GIT2: variants seen among roughly 807,000 people sequenced by gnomAD.
GIT2 encodes the protein GIT ArfGAP 2, also known as ARF GTPase-activating protein GIT2.
GIT2 carries 32 observed loss-of-function variants against 100.3 expected under a neutral mutation model. The ratio of observed to expected loss-of-function variants is 0.32; its 90% confidence interval spans 0.24 to 0.43. The LOEUF (loss-of-function observed/expected upper bound fraction) is 0.43. GIT2 is among the 20% of genes least tolerant of loss of function. The pLI, the probability that GIT2 is intolerant of heterozygous loss-of-function variation, is 1.00. For synonymous variants in GIT2, 353 were observed against 364.1 expected (o/e 0.97, Z 0.35); for missense variants, 737 against 975.1 (o/e 0.76, Z 3.25).
chr12:109,976,654 T>C (rs1412906657), intron 7 of GIT2, among the ~76,000 whole-genome samples: 1 of 150,298 alleles, frequency 6.7e-6, no homozygotes, highest in Non-Finnish European at 1.5e-5. Context: ...AGTGGCACGA[T>C]CTCGGCTCAC....
intron 7 of GIT2, among the ~76,000 whole-genome samples, chr12:109,971,567 A>AC (rs1326771443): frequency 6.7e-6 from 1 of 149,194 alleles, no homozygotes; most frequent in Admixed American, 6.7e-5. Flanking sequence ...CAGGTGACCC[A>AC]CCCCCTTCTG....
rs2136104661 is a variant in GIT2, at chr12:109,931,415, A to G, written c.*1563T>C. The G allele has an allele frequency of 6.6e-6, 1 of 152,330 alleles. No individual in the cohort carries two copies. Among genetic ancestry groups the G allele is most frequent in the East Asian group, 1.9e-4 (1 of 5,186 alleles). 9.4% of individuals were successfully genotyped at this position (152,330 alleles called of 1,614,324 possible). A position where few individuals can be genotyped will look rare whatever the true frequency, so the allele number is the denominator to read the frequency against. ...GGTGGGGGCTGTGAGCTGGCAGCCTAGAGGACACAGCTCACCTGCACATGG... is the reference window on the plus strand; with the variant it reads ...GGTGGGGGCTGTGAGCTGGCAGCCTGGAGGACACAGCTCACCTGCACATGG... On this transcript the variant is annotated 3_prime_UTR_variant, in exon 20 of 20. Coordinates refer to ENST00000355312, the MANE Select transcript of GIT2 (RefSeq NM_057169.5).
intron 1 of GIT2, among the ~76,000 whole-genome samples, chr12:109,993,983 A>G (rs942627610): frequency 2.0e-5 from 3 of 152,026 alleles, no homozygotes; most frequent in Non-Finnish European, 4.4e-5. Flanking sequence ...GTATCATCCT[A>G]AAAAGCAGAG....
intron 1 of GIT2, among the ~76,000 whole-genome samples, chr12:109,992,539 C>T (rs549144256): frequency 2.0e-5 from 3 of 152,322 alleles, no homozygotes; most frequent in African/African-American, 7.2e-5. Context: ...TATGAATCAA[C>T]ATGTCAATAT....
intron 11 of GIT2, among the ~76,000 whole-genome samples, chr12:109,960,513 G>A (rs1349809469): frequency 6.6e-6 from 1 of 152,104 alleles, no homozygotes; most frequent in East Asian, 1.9e-4. Flanking sequence ...TCCGGGAGGT[G>A]GAGGTTGCAG....
At chr12:109,963,184 T>C (rs1041600167) in intron 9 of GIT2, among the ~76,000 whole-genome samples, 6 of 152,192 alleles carry the variant, frequency 3.9e-5, no homozygotes, top group Admixed American at 3.9e-4. Context: ...TACCAAAATA[T>C]TGAGCCTGAC....
At chr12:109,955,076 C>T (rs891616264) in intron 12 of GIT2, among the ~76,000 whole-genome samples, 2 of 152,084 alleles carry the variant, frequency 1.3e-5, no homozygotes, top group South Asian at 2.1e-4. Flanking sequence ...GGTTTTTCTC[C>T]GAGCACTTAT....
At chr12:109,975,818 CT>C (rs1393510432) in intron 7 of GIT2, among the ~76,000 whole-genome samples, 1 of 144,616 alleles carries the variant, frequency 6.9e-6, no homozygotes, top group Non-Finnish European at 1.5e-5. Flanking sequence ...ATCACCCAGG[CT>C]GGAGTGCAGT....
chr12:109,937,474 A>C (rs2136150873), intron 18 of GIT2, among the ~76,000 whole-genome samples: 1 of 152,244 alleles, frequency 6.6e-6, no homozygotes, highest in Admixed American at 6.5e-5. Flanking sequence ...GGTTTAGCTA[A>C]TGTTTTATGA....
intron 7 of GIT2, among the ~76,000 whole-genome samples, chr12:109,980,740 T>G (rs1886157602): frequency 6.6e-6 from 1 of 152,216 alleles, no homozygotes; most frequent in South Asian, 2.1e-4. Context: ...CTAGAGCTAT[T>G]AAAAATGAAA....
intron 18 of GIT2, among the ~76,000 whole-genome samples, chr12:109,937,789 G>A (rs963359216): frequency 4.6e-5 from 7 of 152,142 alleles, no homozygotes; most frequent in African/African-American, 1.4e-4. Context: ...TGCAACCTCC[G>A]CCTCCAGGGT....
At chr12:109,979,967 T>C (rs755221123) in intron 7 of GIT2, among the ~76,000 whole-genome samples, 4 of 152,280 alleles carry the variant, frequency 2.6e-5, no homozygotes, top group African/African-American at 4.8e-5. Flanking sequence ...CCATCTGGCC[T>C]GTTGCAACGA....
chr12:109,992,604 T>G (rs1184663404), intron 1 of GIT2, among the ~76,000 whole-genome samples: 1 of 152,222 alleles, frequency 6.6e-6, no homozygotes, highest in Non-Finnish European at 1.5e-5. Flanking sequence ...CTGCTATGGT[T>G]CTGAGGACAG....
At chr12:109,952,878 C>G (rs1195266084) in intron 13 of GIT2, 1 of 591,570 alleles carries the variant, frequency 1.7e-6, no homozygotes. Context: ...ATGAATAAAA[C>G]ACACCAATCA....
intron 2 of GIT2, among the ~76,000 whole-genome samples, chr12:109,990,143 T>C (rs1888112177): frequency 6.6e-6 from 1 of 152,250 alleles, no homozygotes; most frequent in Non-Finnish European, 1.5e-5. Context: ...GTCTATATTA[T>C]TCACTTAATA....
At chr12:109,951,352 A>G (rs1877800902) in intron 13 of GIT2, 36 bp from the exon 14 acceptor site, 1 of 1,557,300 alleles carries the variant, frequency 6.4e-7, no homozygotes, top group Admixed American at 1.7e-5. Flanking sequence ...ACAATCTGAG[A>G]TGACGAGAAC....
Position 109,953,089 on chromosome 12 carries a change from C to T in GIT2, c.1242+3G>A. 1 of 1,613,678 alleles carries T rather than the reference C, an allele frequency of 6.2e-7. No individual in the cohort carries two copies. Among genetic ancestry groups the T allele is most frequent in the Non-Finnish European group, 8.5e-7 (1 of 1,179,664 alleles). The stretch of plus-strand genomic sequence containing the variant: ...CCCTTCCATGGGACGCATGGCCTCT[C>T]ACCTTCTGCCGGTTTGTTTTGCTTG... On this transcript the variant is annotated splice_donor_region_variant and intron_variant, in intron 13 of 19. Coordinates refer to ENST00000355312, the MANE Select transcript of GIT2 (RefSeq NM_057169.5).
chr12:109,941,829 TTC>T (rs1874815912), intron 16 of GIT2, among the ~76,000 whole-genome samples: 1 of 151,494 alleles, frequency 6.6e-6, no homozygotes, highest in Non-Finnish European at 1.5e-5. Context: ...CCAATTTTTT[TTC>T]TTTTTTTTTT....
Position 109,933,767 on chromosome 12 carries a change from A to G in GIT2, c.2067+255T>C, listed in dbSNP as rs1353255630. ...CAGGCATGCACCACCACGCCTGACT[A>G]ATTTTGTATTTTTAGTAGAGACAGG... On this transcript the variant is annotated intron_variant, in intron 19 of 19. Transcript: ENST00000355312. The surrounding 1 kb of genome is among the most constrained non-coding windows in gnomAD (Gnocchi z 4.5). 1 of 392,888 alleles carries G rather than the reference A, an allele frequency of 2.5e-6. No homozygotes were observed. The highest frequency in any genetic ancestry group is 4.8e-6 in the Non-Finnish European group (1 of 209,930). 24.3% of individuals were successfully genotyped at this position (392,888 alleles called of 1,614,324 possible). A position where few individuals can be genotyped will look rare whatever the true frequency, so the allele number is the denominator to read the frequency against.
Sources: allele counts gnomAD v4.1 joint callset (sites outside exome capture counted in the v4.1 genomes callset), GRCh38; gene constraint gnomAD v4.1.1; non-coding constraint Gnocchi (gnomAD v3.1); transcripts MANE v1.5; gene names NCBI Gene and HGNC (gene_info 2026-07-23, HGNC 2026-07-21).